The following KCNQ3 variants were observed in gnomAD, a reference collection of about 807,000 sequenced individuals.
The protein encoded by KCNQ3 is potassium voltage-gated channel subfamily Q member 3.
A neutral mutation model predicts 92.5 loss-of-function variants in KCNQ3; 30 were observed. The ratio of observed to expected loss-of-function variants is 0.32; its 90% confidence interval spans 0.24 to 0.44. The LOEUF (loss-of-function observed/expected upper bound fraction) is 0.44, where lower values mean the gene tolerates loss of function less well. Ranked by LOEUF, KCNQ3 falls within the 20% of genes least tolerant of loss-of-function variation. KCNQ3 has a pLI of 1.00. For missense variants in KCNQ3, 913 were observed against 1,140.3 expected, an observed-to-expected ratio of 0.80 and a Z score of 2.87; for synonymous variants, 450 against 468.8, an observed-to-expected ratio of 0.96 and a Z score of 0.52.
At chr8:132,307,119 G>C (rs746490360) in intron 1 of KCNQ3, among the ~76,000 whole-genome samples, 16 of 152,200 alleles carry the variant, frequency 1.1e-4, no homozygotes, top group Non-Finnish European at 2.4e-4. Context: ...AAATCAAAGA[G>C]ATGAAAACTT....
chr8:132,452,036 C>T (rs1427607383), intron 1 of KCNQ3, among the ~76,000 whole-genome samples: 1 of 152,210 alleles, frequency 6.6e-6, no homozygotes, highest in Non-Finnish European at 1.5e-5. Flanking sequence ...TGGTTTCTCA[C>T]ACCGCAGCCA....
At chr8:132,375,844 C>T (rs73345962) in intron 1 of KCNQ3, among the ~76,000 whole-genome samples, 1,992 of 152,282 alleles carry the variant, frequency 0.013, 57 homozygotes, top group African/African-American at 0.046. Flanking sequence ...CTATCACCCC[C>T]ATGCCAGGTA....
At chr8:132,170,185 G>T (rs1826279736) in intron 8 of KCNQ3, 149 bp downstream of exon 8, 2 of 697,458 alleles carry the variant, frequency 2.9e-6, no homozygotes, top group Admixed American at 2.0e-5. Flanking sequence ...AACTGTTTAA[G>T]CTACCAGATA....
At chr8:132,189,906 A>AT (rs1827109400) in intron 1 of KCNQ3, among the ~76,000 whole-genome samples, 1 of 150,750 alleles carries the variant, frequency 6.6e-6, no homozygotes, top group African/African-American at 2.5e-5. Flanking sequence ...AAAAAAAAAA[A>AT]AAGAGAGAGA....
chr8:132,415,245 C>T (rs766718989), intron 1 of KCNQ3, among the ~76,000 whole-genome samples: 1 of 152,228 alleles, frequency 6.6e-6, no homozygotes, highest in Non-Finnish European at 1.5e-5. Flanking sequence ...TGCTCCTCAG[C>T]CTGATGTCTT....
chr8:132,140,914 G>T, intron 10 of KCNQ3: 1 of 581,890 alleles, frequency 1.7e-6, no homozygotes, highest in Non-Finnish European at 3.1e-6. Context: ...TAACTTGGGA[G>T]CCTGCAGCCC....
chr8:132,386,934 C>T (rs1819905852), intron 1 of KCNQ3, among the ~76,000 whole-genome samples: 1 of 152,150 alleles, frequency 6.6e-6, no homozygotes, highest in African/African-American at 2.4e-5. Flanking sequence ...AGAATATCTT[C>T]ACTACAAAGA....
At chr8:132,398,019 G>C (rs940593936) in intron 1 of KCNQ3, among the ~76,000 whole-genome samples, 1 of 152,162 alleles carries the variant, frequency 6.6e-6, no homozygotes, top group Admixed American at 6.5e-5. Context: ...TCTTCGGGCG[G>C]TTACACAAGG....
At chr8:132,247,106 C>T (rs775707091) in intron 1 of KCNQ3, among the ~76,000 whole-genome samples, 2 of 152,214 alleles carry the variant, frequency 1.3e-5, no homozygotes, top group Non-Finnish European at 2.9e-5. Context: ...CTGTGACTGC[C>T]TCATTGTGAC....
At chr8:132,389,922 T>C (rs1304935264) in intron 1 of KCNQ3, among the ~76,000 whole-genome samples, 2 of 152,204 alleles carry the variant, frequency 1.3e-5, no homozygotes, top group Non-Finnish European at 2.9e-5. Flanking sequence ...TGTACCTAGG[T>C]ACAAACTTTG....
intron 1 of KCNQ3, among the ~76,000 whole-genome samples, chr8:132,210,645 G>C (rs139275928): frequency 6.6e-6 from 1 of 152,190 alleles, no homozygotes; most frequent in Non-Finnish European, 1.5e-5. Flanking sequence ...TCAGAGGTTC[G>C]ACTGGGGAAG....
At chr8:132,440,141 T>C (rs1821498456) in intron 1 of KCNQ3, among the ~76,000 whole-genome samples, 1 of 152,254 alleles carries the variant, frequency 6.6e-6, no homozygotes, top group Non-Finnish European at 1.5e-5. Flanking sequence ...TCATGTTTTA[T>C]TGCTGTATTG....
At chr8:132,219,805 G>T (rs1218379737) in intron 1 of KCNQ3, among the ~76,000 whole-genome samples, 1 of 152,074 alleles carries the variant, frequency 6.6e-6, no homozygotes. Context: ...TGTGGATATT[G>T]TGGTGCAACA....
intron 1 of KCNQ3, among the ~76,000 whole-genome samples, chr8:132,258,505 G>A (rs1183576782): frequency 2.6e-5 from 4 of 151,918 alleles, no homozygotes; most frequent in African/African-American, 4.8e-5. Flanking sequence ...AGATACAGCA[G>A]AACAAGTGCT....
At chr8:132,402,450 C>CTGTTATTA (rs1820363939) in intron 1 of KCNQ3, among the ~76,000 whole-genome samples, 1 of 152,160 alleles carries the variant, frequency 6.6e-6, no homozygotes, top group South Asian at 2.1e-4. Context: ...GCACTAAAAA[C>CTGTTATTA]TGTTATTATG....
At position 132,141,136 on chromosome 8, in the gene KCNQ3, A is replaced by C; in HGVS notation, c.1458T>G (p.Ser486Arg). Residue 486 changes from serine to arginine, a missense_variant, in exon 10 of 15, where the codon AGT becomes AGG. Physicochemically the swap from Ser to Arg is moderately radical, Grantham distance 110 (BLOSUM62 -1). Around this residue, in one of 6 missense-constraint regions of KCNQ3, gnomAD observed 182 missense variants for 234.5 expected, o/e 0.78. Coordinates refer to ENST00000388996, the MANE Select transcript of KCNQ3 (RefSeq NM_004519.4). ...GAGATAAAAAGGCATTACCTTCAGA[A>C]CTCTGCCAGAAAGCGTAGGCTTTCA... ...FRMKAYAFWQ[S>R]SEDAGTGDPM... 1 of 1,614,038 alleles carries C rather than the reference A, an allele frequency of 6.2e-7. No homozygotes were observed. The highest frequency in any genetic ancestry group is 8.5e-7 in the Non-Finnish European group (1 of 1,179,966).
chr8:132,462,907 TTTCCCTCC>T (rs1407851410), intron 1 of KCNQ3, among the ~76,000 whole-genome samples: 1 of 152,202 alleles, frequency 6.6e-6, no homozygotes, highest in Non-Finnish European at 1.5e-5. Flanking sequence ...CCATTTTCCC[TTTCCCTCC>T]TTCCCTCTTT....
chr8:132,412,124 G>T (rs560189007), intron 1 of KCNQ3, among the ~76,000 whole-genome samples: 1 of 152,150 alleles, frequency 6.6e-6, no homozygotes. Context: ...CACCCCACAG[G>T]GCATGCAGCA....
chr8:132,277,537 C>T (rs1229927167), intron 1 of KCNQ3, among the ~76,000 whole-genome samples: 1 of 152,182 alleles, frequency 6.6e-6, no homozygotes, highest in East Asian at 1.9e-4. Context: ...GACAAGGAGG[C>T]ATGGGGAAGA....
Sources: gnomAD v4.1 joint callset for allele counts (sites outside exome capture counted in the v4.1 genomes callset) on GRCh38, gnomAD v4.1.1 for gene constraint, gnomAD v4.1.1 regional missense constraint, MANE v1.5 for transcripts, NCBI Gene and HGNC (gene_info 2026-07-23, HGNC 2026-07-21) for gene names.